B3GALT1: variants seen among roughly 807,000 people sequenced by gnomAD.
B3GALT1 encodes the protein UDP-Gal:betaGlcNAc beta 1,3-galactosyltransferase, polypeptide 1.
A neutral mutation model predicts 23.2 loss-of-function variants in B3GALT1; 10 were observed. The observed-to-expected ratio is 0.43, with a 90% CI of 0.27 to 0.73. The LOEUF is 0.73. Ranked by LOEUF, B3GALT1 falls within the 30% of genes least tolerant of loss-of-function variation. B3GALT1 has a pLI of 0.21. For missense variants in B3GALT1, 299 were observed against 405.4 expected, an observed-to-expected ratio of 0.74 and a Z score of 2.25; for synonymous variants, 156 against 141.5, an observed-to-expected ratio of 1.10 and a Z score of -0.73.
chr2:167,774,485 GTTTTTTTTT>G (rs767692581), intron 3 of B3GALT1, among the ~76,000 whole-genome samples: 4 of 105,180 alleles, frequency 3.8e-5, no homozygotes, highest in African/African-American at 9.7e-5. Context: ...TTTTTTTTTT[GTTTTTTTTT>G]TTGTTTTTTT....
At chr2:167,381,340 C>T (rs1443815881) in intron 1 of B3GALT1, among the ~76,000 whole-genome samples, 2 of 152,158 alleles carry the variant, frequency 1.3e-5, no homozygotes, top group Admixed American at 6.5e-5. Flanking sequence ...AGATTATAGG[C>T]GTGAGCTACT....
intron 4 of B3GALT1, among the ~76,000 whole-genome samples, chr2:167,868,294 G>A (rs530062268): frequency 1.6e-4 from 24 of 152,270 alleles, no homozygotes; most frequent in Middle Eastern, 3.4e-3. Flanking sequence ...CACAGCATTA[G>A]CAGAGATTTT....
chr2:167,822,265 T>C (rs73021240), intron 4 of B3GALT1, among the ~76,000 whole-genome samples: 2,622 of 152,198 alleles, frequency 0.017, 77 homozygotes, highest in African/African-American at 0.06. Flanking sequence ...TAGGTCACTA[T>C]TACATATTGA....
intron 1 of B3GALT1, among the ~76,000 whole-genome samples, chr2:167,316,826 A>G (rs1696727765): frequency 6.6e-6 from 1 of 152,170 alleles, no homozygotes; most frequent in African/African-American, 2.4e-5. Context: ...TCCCAAATAA[A>G]CTACTTGCAC....
At chr2:167,510,402 G>GT (rs1483182537) in intron 2 of B3GALT1, among the ~76,000 whole-genome samples, 36 of 135,134 alleles carry the variant, frequency 2.7e-4, no homozygotes, top group African/African-American at 8.7e-4. Flanking sequence ...ATGATTGCAA[G>GT]TTTTGTTTTT....
intron 2 of B3GALT1, among the ~76,000 whole-genome samples, chr2:167,533,755 T>C (rs1279950536): frequency 1.3e-5 from 2 of 152,236 alleles, no homozygotes; most frequent in African/African-American, 4.8e-5. Context: ...TGCTCACTAT[T>C]CCTTTTTAAT....
At chr2:167,730,159 A>G (rs923883695) in intron 3 of B3GALT1, among the ~76,000 whole-genome samples, 1 of 152,140 alleles carries the variant, frequency 6.6e-6, no homozygotes, top group Non-Finnish European at 1.5e-5. Flanking sequence ...GGCTTACTAT[A>G]TCCGCCGGGG....
intron 1 of B3GALT1, among the ~76,000 whole-genome samples, chr2:167,369,866 GAT>G (rs1697652857): frequency 6.6e-6 from 1 of 152,110 alleles, no homozygotes; most frequent in Admixed American, 6.5e-5. Context: ...GCACAGTGCA[GAT>G]AAAAAATATT....
chr2:167,364,540 C>A (rs1490474224), intron 1 of B3GALT1, among the ~76,000 whole-genome samples: 2 of 151,932 alleles, frequency 1.3e-5, no homozygotes, highest in Non-Finnish European at 2.9e-5. Context: ...AGCCTGTGTC[C>A]AAGTGTTCTC....
intron 2 of B3GALT1, among the ~76,000 whole-genome samples, chr2:167,494,569 G>C (rs1471008471): frequency 6.6e-6 from 1 of 152,032 alleles, no homozygotes; most frequent in African/African-American, 2.4e-5. Context: ...ACATAAAATA[G>C]CATATGTGGT....
intron 3 of B3GALT1, among the ~76,000 whole-genome samples, chr2:167,755,297 A>T (rs966157316): frequency 3.3e-5 from 5 of 151,934 alleles, no homozygotes; most frequent in African/African-American, 1.2e-4. Flanking sequence ...GGAGGAGAGA[A>T]AGAACTTTTT....
chr2:167,525,010 A>G (rs1018711398), intron 2 of B3GALT1, among the ~76,000 whole-genome samples: 2 of 152,358 alleles, frequency 1.3e-5, no homozygotes, highest in African/African-American at 2.4e-5. Context: ...GCAGTAAACT[A>G]TCATGTGCAC....
chr2:167,409,124 G>C (rs1698354894), intron 1 of B3GALT1, among the ~76,000 whole-genome samples: 1 of 152,146 alleles, frequency 6.6e-6, no homozygotes, highest in South Asian at 2.1e-4. Context: ...TTTGTTTTAG[G>C]TAAATATAAA....
At chr2:167,802,552 C>A (rs189289561) in intron 3 of B3GALT1, among the ~76,000 whole-genome samples, 114 of 152,344 alleles carry the variant, frequency 7.5e-4, no homozygotes, top group African/African-American at 2.5e-3. Flanking sequence ...AGAGTTAATA[C>A]CTATTGTTTT....
intron 1 of B3GALT1, among the ~76,000 whole-genome samples, chr2:167,305,099 G>GA (rs1449045997): frequency 6.6e-6 from 1 of 152,168 alleles, no homozygotes; most frequent in Non-Finnish European, 1.5e-5. Context: ...GGCACACCTA[G>GA]AAATGTTTTA....
At chr2:167,633,797 A>G (rs1281925656) in intron 2 of B3GALT1, among the ~76,000 whole-genome samples, 1 of 152,054 alleles carries the variant, frequency 6.6e-6, no homozygotes, top group Admixed American at 6.6e-5. Flanking sequence ...AAGACAGAAA[A>G]TTAACAAGGA....
At chr2:167,478,168 C>G (rs1470772854) in intron 1 of B3GALT1, among the ~76,000 whole-genome samples, 1 of 152,160 alleles carries the variant, frequency 6.6e-6, no homozygotes, top group Non-Finnish European at 1.5e-5. Flanking sequence ...GCTTTAGGAA[C>G]AGTTTATAGT....
intron 2 of B3GALT1, among the ~76,000 whole-genome samples, chr2:167,557,873 T>A (rs553445593): frequency 1.3e-5 from 2 of 152,214 alleles, no homozygotes; most frequent in Non-Finnish European, 2.9e-5. Flanking sequence ...ATCACTTATA[T>A]AGTAGTTTTA....
intron 1 of B3GALT1, among the ~76,000 whole-genome samples, chr2:167,350,380 T>C (rs768826414): frequency 6.6e-6 from 1 of 152,212 alleles, no homozygotes; most frequent in Non-Finnish European, 1.5e-5. Context: ...AATACAAATA[T>C]TACAATTGAT....
Sources: gnomAD v4.1 joint callset for allele counts (sites outside exome capture counted in the v4.1 genomes callset) on GRCh38, gnomAD v4.1.1 for gene constraint, MANE v1.5 for transcripts, NCBI Gene and HGNC (gene_info 2026-07-23, HGNC 2026-07-21) for gene names.